The following SCAPER variants were observed in gnomAD, a reference collection of about 807,000 sequenced individuals.
SCAPER encodes S phase cyclin A-associated protein in the endoplasmic reticulum.
A neutral mutation model predicts 182.2 loss-of-function variants in SCAPER; 98 were observed. The observed-to-expected ratio is 0.54, with a 90% CI of 0.46 to 0.64. The LOEUF (loss-of-function observed/expected upper bound fraction) is 0.64, where lower values mean the gene tolerates loss of function less well. Among genes scored for constraint, SCAPER ranks in the 30% least tolerant of loss-of-function variants. SCAPER has a pLI of 0.00. For missense variants in SCAPER, 1,432 were observed against 1,690.0 expected, an observed-to-expected ratio of 0.85 and a Z score of 2.68; for synonymous variants, 605 against 564.6, an observed-to-expected ratio of 1.07 and a Z score of -1.01.
At chr15:76,875,244 C>T (rs1165669268) in intron 2 of SCAPER, among the ~76,000 whole-genome samples, 1 of 152,162 alleles carries the variant, frequency 6.6e-6, no homozygotes, top group Non-Finnish European at 1.5e-5. Context: ...GCCTGAAAAA[C>T]TCTGATATCA....
At chr15:76,902,076 A>G (rs1416647785) in intron 1 of SCAPER, among the ~76,000 whole-genome samples, 2 of 152,114 alleles carry the variant, frequency 1.3e-5, no homozygotes, top group East Asian at 1.9e-4. Context: ...CACTCTTTAT[A>G]TTTCACAAGA....
chr15:76,805,933 C>G (rs1214490885), intron 5 of SCAPER, among the ~76,000 whole-genome samples: 1 of 152,046 alleles, frequency 6.6e-6, no homozygotes, highest in East Asian at 1.9e-4. Context: ...AGTTATTTGT[C>G]CTTTTTATTG....
intron 2 of SCAPER, among the ~76,000 whole-genome samples, chr15:76,879,713 T>A (rs1408158550): frequency 1.3e-5 from 2 of 152,202 alleles, no homozygotes; most frequent in Non-Finnish European, 2.9e-5. Context: ...GTATTCCTCT[T>A]AGCCCAGCCA....
chr15:76,496,111 G>T (rs1014267994), intron 24 of SCAPER, among the ~76,000 whole-genome samples: 7 of 151,838 alleles, frequency 4.6e-5, no homozygotes, highest in African/African-American at 1.5e-4. Context: ...GTCTATGTGG[G>T]TATGCTCTTA....
At chr15:76,410,260 G>A (rs375439894) in intron 26 of SCAPER, among the ~76,000 whole-genome samples, 2 of 152,096 alleles carry the variant, frequency 1.3e-5, no homozygotes, top group African/African-American at 4.8e-5. Context: ...TCATCTCACA[G>A]TAATGCAAGA....
intron 24 of SCAPER, among the ~76,000 whole-genome samples, chr15:76,495,991 G>GACACACACAC (rs1393549578): frequency 2.2e-4 from 22 of 100,898 alleles, no homozygotes; most frequent in Middle Eastern, 4.5e-3. Flanking sequence ...GCAAAAGAGA[G>GACACACACAC]AGACACACAC....
chr15:76,608,456 C>T (rs761654116), intron 22 of SCAPER, among the ~76,000 whole-genome samples: 1 of 152,280 alleles, frequency 6.6e-6, no homozygotes, highest in Non-Finnish European at 1.5e-5. Flanking sequence ...TTAGGCTACT[C>T]GGGGGTCAGG....
intron 23 of SCAPER, among the ~76,000 whole-genome samples, chr15:76,516,157 A>G (rs753152982): frequency 1.9e-4 from 28 of 150,300 alleles, no homozygotes; most frequent in Non-Finnish European, 4.0e-4. Context: ...GAAAGTAGTG[A>G]CCCAGAACTC....
chr15:76,701,795 G>C lies in SCAPER; in HGVS notation c.2471C>G (p.Thr824Ser). The C allele has an allele frequency of 6.2e-7, 1 of 1,613,806 alleles. No homozygotes were observed. The highest frequency in any genetic ancestry group is 8.5e-7 in the Non-Finnish European group (1 of 1,179,810). ...RKHQQAVRENTSIQGRELSDE... is the reference protein window; with the variant it reads ...RKHQQAVRENSSIQGRELSDE... ...TGACAGTTCACGCCCCTGGATGCTGGTATTCTCTCTCACGGCTTGCTGGTG... is the reference window on the plus strand; with the variant it reads ...TGACAGTTCACGCCCCTGGATGCTGCTATTCTCTCTCACGGCTTGCTGGTG... The change falls in exon 20 of 32, where the codon ACC becomes AGC. Residue 824 changes from threonine to serine, a missense_variant. This residue lies in a region of SCAPER where 718 missense variants were observed against 799.7 expected (regional missense o/e 0.90). Coordinates refer to ENST00000563290, the MANE Select transcript of SCAPER (RefSeq NM_020843.4).
At chr15:76,675,070 G>T (rs2057287396) in intron 20 of SCAPER, among the ~76,000 whole-genome samples, 1 of 152,190 alleles carries the variant, frequency 6.6e-6, no homozygotes, top group South Asian at 2.1e-4. Context: ...AATGAGGCAG[G>T]ATTTACCACA....
At chr15:76,619,264 C>T (rs1287428527) in intron 22 of SCAPER, among the ~76,000 whole-genome samples, 2 of 152,064 alleles carry the variant, frequency 1.3e-5, no homozygotes, top group Non-Finnish European at 2.9e-5. Context: ...AGTATTTATC[C>T]TTTTTGTTGT....
At chr15:76,704,731 C>T (rs1483076543) in intron 18 of SCAPER, among the ~76,000 whole-genome samples, 2 of 152,076 alleles carry the variant, frequency 1.3e-5, no homozygotes, top group African/African-American at 4.8e-5. Flanking sequence ...AAAGAGTGGG[C>T]GAAGGATATG....
intron 15 of SCAPER, among the ~76,000 whole-genome samples, chr15:76,752,895 A>C (rs1598518236): frequency 9.2e-6 from 1 of 108,412 alleles, no homozygotes; most frequent in East Asian, 2.5e-4. Flanking sequence ...TTTTTCCCAC[A>C]AAAAAAATAG....
At chr15:76,642,132 G>A (rs371580735) in intron 21 of SCAPER, among the ~76,000 whole-genome samples, 3 of 152,112 alleles carry the variant, frequency 2.0e-5, no homozygotes, top group Admixed American at 6.5e-5. Context: ...TCTTTACTGC[G>A]AAATGTTATA....
At chr15:76,717,017 T>A (rs1415346847) in intron 17 of SCAPER, among the ~76,000 whole-genome samples, 1 of 151,732 alleles carries the variant, frequency 6.6e-6, no homozygotes, top group African/African-American at 2.4e-5. Flanking sequence ...GAAATAGTTT[T>A]AAAAACAGCA....
intron 22 of SCAPER, among the ~76,000 whole-genome samples, chr15:76,604,030 T>G (rs1221783757): frequency 1.7e-5 from 2 of 120,958 alleles, no homozygotes; most frequent in African/African-American, 5.1e-5. Flanking sequence ...TTAGTTTAAT[T>G]AGATCCCATT....
chr15:76,430,204 G>A (rs1480220191), intron 26 of SCAPER, among the ~76,000 whole-genome samples: 2 of 152,240 alleles, frequency 1.3e-5, no homozygotes, highest in Non-Finnish European at 2.9e-5. Flanking sequence ...GAAGTTTGCT[G>A]CAGGGGAGGG....
At chr15:76,699,804 C>T (rs1373845641) in intron 20 of SCAPER, among the ~76,000 whole-genome samples, 3 of 152,248 alleles carry the variant, frequency 2.0e-5, no homozygotes, top group Non-Finnish European at 2.9e-5. Flanking sequence ...CACAGGCTAG[C>T]AGTCACAGGT....
chr15:76,762,183 T>C (rs562425214), intron 14 of SCAPER, among the ~76,000 whole-genome samples: 5 of 152,300 alleles, frequency 3.3e-5, no homozygotes, highest in African/African-American at 1.2e-4. Flanking sequence ...GTTGGGTATG[T>C]CTTTTTTTAA....
Sources: allele counts gnomAD v4.1 joint callset (sites outside exome capture counted in the v4.1 genomes callset), GRCh38; gene constraint gnomAD v4.1.1; regional missense constraint gnomAD v4.1.1; transcripts MANE v1.5; gene names NCBI Gene and HGNC (gene_info 2026-07-23, HGNC 2026-07-21).